Variants in ZC3H18 observed in about 807,000 individuals in gnomAD.
ZC3H18 encodes zinc finger CCCH-type containing 18.
A neutral mutation model predicts 106.1 loss-of-function variants in ZC3H18; 8 were observed. That is an observed-to-expected ratio of 0.08 (90% CI 0.04 to 0.14). ZC3H18 has a LOEUF of 0.14. ZC3H18 is among the 10% of genes least tolerant of loss of function. The probability of loss-of-function intolerance (pLI) is 1.00; values close to 1 mark genes in which losing one functional copy is unlikely to be tolerated. For missense variants in ZC3H18, 1,318 were observed against 1,278.4 expected, an observed-to-expected ratio of 1.03 and a Z score of -0.47; for synonymous variants, 635 against 522.1, an observed-to-expected ratio of 1.22 and a Z score of -2.95.
At chr16:88,580,199 T>A (rs923465889) in intron 2 of ZC3H18, among the ~76,000 whole-genome samples, 2,618 of 90,480 alleles carry the variant, frequency 0.029, 37 homozygotes, top group Admixed American at 0.042. Context: ...TGTGTGTGTG[T>A]GTGTGTGTGT....
At chr16:88,590,585 CAG>C (rs1438477755) in intron 3 of ZC3H18, among the ~76,000 whole-genome samples, 1 of 4,196 alleles carries the variant, frequency 2.4e-4, no homozygotes, top group Non-Finnish European at 7.6e-4. Context: ...TTTTTTGAGA[CAG>C]TGTCTCGCTC....
In ZC3H18 at chr16:88,623,568, C is replaced by T. The variant is rs531707075; in HGVS notation, c.1793+224C>T. 2.1e-5 allele frequency: 13 copies of T among 632,150 alleles called. No homozygotes were observed. In the South Asian group the frequency reaches 2.2e-4, roughly 11 times the overall value. The allele number at this position is 632,150 out of a possible 1,614,324, so 39.2% of individuals were successfully genotyped here. On this transcript the variant is annotated intron_variant, in intron 10 of 17. Coordinates refer to ENST00000301011, the MANE Select transcript of ZC3H18 (RefSeq NM_144604.4). ...TGCGTGCTGTCACTGAGGGCCACAG[C>T]CTGAGATCCTCGAGTTGAGGCACTC...
In ZC3H18 at chr16:88,577,702, A is replaced by C; in HGVS notation, c.579A>C (p.Gly193=). Residue 193 remains glycine, a synonymous_variant, in exon 2 of 18, where the codon GGA becomes GGC. Coordinates refer to ENST00000301011, the MANE Select transcript of ZC3H18 (RefSeq NM_144604.4). ...AGAAAAAGAAAGAGGACGATGATGG[A>C]GAAATCGATGATGGGGAAATAGACG... The part of the protein sequence containing the change: ...AKEKKKEDDD[G]EIDDGEIDDD... The C allele has an allele frequency of 6.2e-7, 1 of 1,613,644 alleles. No individual in the cohort carries two copies. The highest frequency in any genetic ancestry group is 8.5e-7 in the Non-Finnish European group (1 of 1,180,034).
In ZC3H18 at chr16:88,628,444, A is replaced by G. The variant is rs952778953; in HGVS notation, c.2470-314A>G. ...CCCTGTCCTCTGTCCTCAGCAGGAC[A>G]CATCCCTGTCCTCTGCTGGAAGGGC... On this transcript the variant is annotated intron_variant, in intron 15 of 17. Coordinates refer to ENST00000301011, the MANE Select transcript of ZC3H18 (RefSeq NM_144604.4). Among the ~76,000 whole-genome samples, 4 of 152,182 alleles carry G rather than the reference A, an allele frequency of 2.6e-5. No individual in the cohort carries two copies. The South Asian group carries it at 8.3e-4, about 31-fold the overall frequency.
At position 88,579,018 on chromosome 16, in the gene ZC3H18, G is replaced by A. The variant is rs571345605; in HGVS notation, c.603+1292G>A. 2.6e-5 allele frequency among the ~76,000 whole-genome samples: 4 copies of A among 152,286 alleles called. No individual in the cohort carries two copies. The South Asian group carries it at 6.2e-4, about 24-fold the overall frequency. ...CATGCTTCTCCAGTAGCATGCTGGCGTGCGTGCTCTCAATGCACGTTTGGA... is the reference window on the plus strand; with the variant it reads ...CATGCTTCTCCAGTAGCATGCTGGCATGCGTGCTCTCAATGCACGTTTGGA... On this transcript the variant is annotated intron_variant, in intron 2 of 17. Coordinates refer to ENST00000301011, the MANE Select transcript of ZC3H18 (RefSeq NM_144604.4).
In ZC3H18 at chr16:88,631,209, G is replaced by T; in HGVS notation, c.2772G>T (p.Thr924=). The T allele has an allele frequency of 2.5e-6, 4 of 1,613,792 alleles. No homozygotes were observed. Among genetic ancestry groups the T allele is most frequent in the South Asian group, 2.2e-5 (2 of 91,076 alleles). The part of the protein sequence containing the change: ...AASTKSGKAS[T]LSRREELLKQ... ...GCACCAAATCAGGGAAGGCCAGCAC[G>T]CTGTCTCGGCGGGAGGAGCTGCTGA... Residue 924 remains threonine, a synonymous_variant, in exon 18 of 18, where the codon ACG becomes ACT. Coordinates refer to ENST00000301011, the MANE Select transcript of ZC3H18 (RefSeq NM_144604.4).
intron 1 of ZC3H18, among the ~76,000 whole-genome samples, chr16:88,574,667 A>AT (rs35816940): frequency 0.14 from 11,207 of 79,850 alleles, 1,786 homozygotes; most frequent in African/African-American, 0.19. Context: ...CACCCAGCTA[A>AT]TTTTTTTTTT....
intron 1 of ZC3H18, among the ~76,000 whole-genome samples, chr16:88,574,174 C>T (rs1353052298): frequency 6.6e-6 from 1 of 151,872 alleles, no homozygotes; most frequent in Admixed American, 6.6e-5. Context: ...CACCCTTGGC[C>T]CATTTAGTTT....
chr16:88,617,906 G>C (rs1905723520), intron 8 of ZC3H18, among the ~76,000 whole-genome samples: 1 of 152,268 alleles, frequency 6.6e-6, no homozygotes, highest in Non-Finnish European at 1.5e-5. Flanking sequence ...GGAGTCTCAA[G>C]ATCTCTGCTG....
At chr16:88,609,599 G>C (rs1905178073) in intron 7 of ZC3H18, among the ~76,000 whole-genome samples, 1 of 151,792 alleles carries the variant, frequency 6.6e-6, no homozygotes, top group South Asian at 2.1e-4. Context: ...ACTGCGCCCG[G>C]CCTGGGTTGT....
rs548750541 is a variant in ZC3H18, at chr16:88,601,930, G to A, written c.1088+1982G>A. Among the ~76,000 whole-genome samples, 22 of 152,252 alleles carry A rather than the reference G, an allele frequency of 1.4e-4. No individual in the cohort carries two copies. The East Asian group carries it at 3.7e-3, about 25-fold the overall frequency. On this transcript the variant is annotated intron_variant, in intron 6 of 17. Transcript: ENST00000301011. ...GAACTGTCAGGGTTCTGCCAGGAGG[G>A]TGGAGACCCCCCTATGATTGTCACA...
At chr16:88,613,940 G>C (rs182538141) in intron 8 of ZC3H18, among the ~76,000 whole-genome samples, 1 of 152,256 alleles carries the variant, frequency 6.6e-6, no homozygotes, top group African/African-American at 2.4e-5. Context: ...CAAAAAAAGG[G>C]GGGGTGTCGA....
chr16:88,614,888 A>C (rs1449621000), intron 8 of ZC3H18, among the ~76,000 whole-genome samples: 1 of 152,164 alleles, frequency 6.6e-6, no homozygotes, highest in Non-Finnish European at 1.5e-5. Flanking sequence ...CACCCCGTGC[A>C]CACACCCCCA....
intron 8 of ZC3H18, among the ~76,000 whole-genome samples, chr16:88,616,190 G>T (rs1319707476): frequency 6.6e-6 from 1 of 152,220 alleles, no homozygotes; most frequent in African/African-American, 2.4e-5. Flanking sequence ...GACGTTGTCT[G>T]GCCTGATCTG....
At chr16:88,580,204 GTGTGTA>G (rs761538011) in intron 2 of ZC3H18, among the ~76,000 whole-genome samples, 14,964 of 68,166 alleles carry the variant, frequency 0.22, 917 homozygotes, top group Non-Finnish European at 0.27. Context: ...GTGTGTGTGT[GTGTGTA>G]TATGTATATG....
In ZC3H18 at chr16:88,598,716, A is replaced by C; in HGVS notation, c.930+4A>C. 6.2e-7 allele frequency: 1 copy of C among 1,609,178 alleles called. No individual in the cohort carries two copies. Among genetic ancestry groups the C allele is most frequent in the Non-Finnish European group, 8.5e-7 (1 of 1,177,290 alleles). On this transcript the variant is annotated splice_donor_region_variant and intron_variant, in intron 5 of 17. Transcript: ENST00000301011. ...AGGACTCCGGCATGCAAAGGAGGTAAACACAATTCAGCAGAAATCCCGACA... is the reference window on the plus strand; with the variant it reads ...AGGACTCCGGCATGCAAAGGAGGTACACACAATTCAGCAGAAATCCCGACA...
chr16:88,617,619 A>G (rs1315475295), intron 8 of ZC3H18, among the ~76,000 whole-genome samples: 1 of 152,210 alleles, frequency 6.6e-6, no homozygotes, highest in Non-Finnish European at 1.5e-5. Context: ...TTCAACTTCC[A>G]GGTTTACCTT....
chr16:88,613,845 C>T (rs973097045), intron 8 of ZC3H18, among the ~76,000 whole-genome samples: 19 of 152,214 alleles, frequency 1.2e-4, no homozygotes, highest in Admixed American at 2.6e-4. Context: ...GATTTACTGC[C>T]GTGTTCTCTT....
At chr16:88,602,985 G>C (rs1207427763) in intron 6 of ZC3H18, among the ~76,000 whole-genome samples, 2 of 149,898 alleles carry the variant, frequency 1.3e-5, no homozygotes, top group East Asian at 3.9e-4. Context: ...TTTTTTTTGA[G>C]ACGGAGTCTC....
Sources: allele counts gnomAD v4.1 joint callset (sites outside exome capture counted in the v4.1 genomes callset), GRCh38; gene constraint gnomAD v4.1.1; transcripts MANE v1.5; gene names NCBI Gene and HGNC (gene_info 2026-07-23, HGNC 2026-07-21).